Variants in AGBL1 observed in about 807,000 individuals in gnomAD.
AGBL1 encodes cytosolic carboxypeptidase 4.
In AGBL1, 130 loss-of-function variants were observed where a neutral mutation model predicts 118.9. The ratio of observed to expected loss-of-function variants is 1.09; its 90% confidence interval spans 0.95 to 1.26. The LOEUF is 1.26. Among genes scored for constraint, AGBL1 ranks in the 50% most tolerant of loss-of-function variants. AGBL1 has a pLI of 0.00. For missense variants in AGBL1, 1,584 were observed against 1,298.1 expected (o/e 1.22, Z -3.38); for synonymous variants, 555 against 478.9 (o/e 1.16, Z -2.08).
intron 22 of AGBL1, among the ~76,000 whole-genome samples, chr15:86,775,248 C>A (rs766989727): frequency 6.6e-6 from 1 of 152,078 alleles, no homozygotes; most frequent in Non-Finnish European, 1.5e-5. Flanking sequence ...TGGCTCAATC[C>A]AAGGCAGATA....
chr15:86,804,897 A>G (rs1447748846), intron 22 of AGBL1, among the ~76,000 whole-genome samples: 1 of 152,172 alleles, frequency 6.6e-6, no homozygotes, highest in African/African-American at 2.4e-5. Flanking sequence ...GCCAGAAACC[A>G]TGGAATATAA....
At chr15:86,296,350 C>T (rs1350527640) in intron 17 of AGBL1, 3 of 152,216 alleles carry the variant, frequency 2.0e-5, no homozygotes, top group Admixed American at 6.5e-5. Context: ...TACTGCCTTC[C>T]GTAATGAAGA....
At chr15:86,820,736 T>A (rs1019132003) in intron 22 of AGBL1, among the ~76,000 whole-genome samples, 1 of 151,958 alleles carries the variant, frequency 6.6e-6, no homozygotes, top group African/African-American at 2.4e-5. Context: ...GTGGTGGGAG[T>A]GTAAATTCGT....
At chr15:86,847,538 T>G (rs1028931904) in intron 22 of AGBL1, among the ~76,000 whole-genome samples, 1 of 152,184 alleles carries the variant, frequency 6.6e-6, no homozygotes, top group African/African-American at 2.4e-5. Flanking sequence ...TGTTTTTGTT[T>G]TATTCATGGA....
chr15:86,113,296 T>C, intron 1 of AGBL1, among the ~76,000 whole-genome samples: 1 of 145,564 alleles, frequency 6.9e-6, no homozygotes, highest in Non-Finnish European at 1.5e-5. Flanking sequence ...TCTTTTTTTT[T>C]TTTTTTTTGG....
intron 22 of AGBL1, among the ~76,000 whole-genome samples, chr15:86,704,138 C>T (rs543163618): frequency 6.6e-6 from 1 of 152,224 alleles, no homozygotes; most frequent in East Asian, 1.9e-4. Context: ...CAAAAATTAA[C>T]TCAAGATGCA....
intron 23 of AGBL1, among the ~76,000 whole-genome samples, chr15:86,942,313 C>T (rs1750433722): frequency 6.6e-6 from 1 of 152,212 alleles, no homozygotes; most frequent in South Asian, 2.1e-4. Context: ...TGGAGGAGGA[C>T]TCAAGAGGAA....
intron 22 of AGBL1, among the ~76,000 whole-genome samples, chr15:86,707,825 T>C (rs2086479870): frequency 6.6e-6 from 1 of 152,070 alleles, no homozygotes; most frequent in Non-Finnish European, 1.5e-5. Flanking sequence ...CCTTTTTCAA[T>C]GGAGATGAGG....
intron 1 of AGBL1, among the ~76,000 whole-genome samples, chr15:86,082,113 C>T (rs1256111729): frequency 6.6e-6 from 1 of 152,176 alleles, no homozygotes; most frequent in Non-Finnish European, 1.5e-5. Context: ...CAAGTGCTTC[C>T]CTAAGCCCTG....
intron 19 of AGBL1, among the ~76,000 whole-genome samples, chr15:86,528,346 C>T (rs565504704): frequency 1.4e-4 from 22 of 152,296 alleles, no homozygotes; most frequent in East Asian, 5.8e-4. Context: ...AAAGGGGTGA[C>T]GGACGCACCT....
chr15:86,624,520 G>C (rs1256326167), intron 21 of AGBL1, among the ~76,000 whole-genome samples: 2 of 152,144 alleles, frequency 1.3e-5, no homozygotes, highest in Non-Finnish European at 2.9e-5. Context: ...CACTTTTTCA[G>C]TTCTTCATAT....
chr15:86,138,281 TG>T (rs2076916395), intron 1 of AGBL1: 1 of 152,212 alleles, frequency 6.6e-6, no homozygotes, highest in South Asian at 2.1e-4. Context: ...CCTTTCAACT[TG>T]GTTTCTCAAG....
intron 17 of AGBL1, among the ~76,000 whole-genome samples, chr15:86,361,788 C>T (rs2080809755): frequency 6.6e-6 from 1 of 152,128 alleles, no homozygotes; most frequent in Non-Finnish European, 1.5e-5. Context: ...GTTACTTTCA[C>T]ATGGAATATC....
chr15:87,011,576 T>A (rs75736073), intron 24 of AGBL1, among the ~76,000 whole-genome samples: 10 of 152,126 alleles, frequency 6.6e-5, no homozygotes, highest in African/African-American at 2.4e-4. Context: ...TTTAAAAATA[T>A]TGCATTTTCA....
chr15:86,200,622 C>CT (rs36103083), intron 5 of AGBL1, among the ~76,000 whole-genome samples: 2,435 of 81,934 alleles, frequency 0.03, 30 homozygotes, highest in East Asian at 0.1. Flanking sequence ...TTTTCTTTTT[C>CT]TTTTTTTTTT....
Position 86,693,816 on chromosome 15 carries a change from C to A in AGBL1, c.3158+19380C>A, listed in dbSNP as rs1347958773. ...TCCAGTTTCATTCCCCTACCTGTGGCTTGCCAATTATCCAGCACCATTTGT... is the reference window on the plus strand; with the variant it reads ...TCCAGTTTCATTCCCCTACCTGTGGATTGCCAATTATCCAGCACCATTTGT... On this transcript the variant is annotated intron_variant, in intron 22 of 22. Transcript: ENST00000614907. Among the ~76,000 whole-genome samples, 10 of 152,182 alleles carry A rather than the reference C, an allele frequency of 6.6e-5. No individual in the cohort carries two copies. In the East Asian group the frequency reaches 1.9e-3, roughly 29 times the overall value.
chr15:86,566,120 G>T (rs2083909789), intron 21 of AGBL1, among the ~76,000 whole-genome samples: 2 of 152,074 alleles, frequency 1.3e-5, no homozygotes, highest in Admixed American at 1.3e-4. Flanking sequence ...CACCTCGTTG[G>T]GCTGCACTCA....
chr15:86,581,049 A>G (rs1308517679), intron 21 of AGBL1, among the ~76,000 whole-genome samples: 6 of 152,192 alleles, frequency 3.9e-5, no homozygotes, highest in African/African-American at 7.2e-5. Context: ...AATACTTTGA[A>G]TTAGTAGATG....
intron 3 of AGBL1, among the ~76,000 whole-genome samples, chr15:86,153,524 G>A (rs1372159731): frequency 6.6e-6 from 1 of 152,080 alleles, no homozygotes; most frequent in Non-Finnish European, 1.5e-5. Context: ...TGGGGGGCAG[G>A]GGGAGGGATA....
Sources: gnomAD v4.1 joint callset for allele counts (sites outside exome capture counted in the v4.1 genomes callset) on GRCh38, gnomAD v4.1.1 for gene constraint, MANE v1.5 for transcripts, NCBI Gene and HGNC (gene_info 2026-07-23, HGNC 2026-07-21) for gene names.